Variants in CTNNA1 observed in about 807,000 individuals in gnomAD.
CTNNA1 encodes catenin alpha 1.
A neutral mutation model predicts 98.4 loss-of-function variants in CTNNA1; 37 were observed. The observed-to-expected ratio is 0.38, with a 90% CI of 0.29 to 0.49. The LOEUF is 0.49. CTNNA1 is among the 20% of genes least tolerant of loss of function. The pLI, the probability that CTNNA1 is intolerant of heterozygous loss-of-function variation, is 0.95. For missense variants in CTNNA1, 761 were observed against 1,147.2 expected, an observed-to-expected ratio of 0.66 and a Z score of 4.86; for synonymous variants, 404 against 413.2, an observed-to-expected ratio of 0.98 and a Z score of 0.27.
At chr5:138,908,506 A>T (rs1472017442) in intron 10 of CTNNA1, among the ~76,000 whole-genome samples, 1 of 152,062 alleles carries the variant, frequency 6.6e-6, no homozygotes, top group African/African-American at 2.4e-5. Context: ...CATCTCCTAA[A>T]ATAAAAGAAT....
At chr5:138,800,924 C>A (rs184519367) in intron 3 of CTNNA1, among the ~76,000 whole-genome samples, 1 of 152,286 alleles carries the variant, frequency 6.6e-6, no homozygotes, top group African/African-American at 2.4e-5. Flanking sequence ...CATGACTTTT[C>A]TTTACCTCTT....
intron 5 of CTNNA1, among the ~76,000 whole-genome samples, chr5:138,813,800 G>A (rs1006443384): frequency 3.3e-5 from 5 of 152,028 alleles, no homozygotes; most frequent in Admixed American, 1.3e-4. Flanking sequence ...TGTACTTTTT[G>A]TAGATACAGG....
chr5:138,832,677 T>C (rs1470783655), intron 7 of CTNNA1, among the ~76,000 whole-genome samples: 1 of 152,244 alleles, frequency 6.6e-6, no homozygotes, highest in Non-Finnish European at 1.5e-5. Context: ...TTTTTTCTTT[T>C]CTTCTTCTAT....
chr5:138,782,303 C>T (rs556912139), intron 2 of CTNNA1: 3 of 521,996 alleles, frequency 5.7e-6, no homozygotes, highest in Non-Finnish European at 1.1e-5. Flanking sequence ...CTTCACCTTT[C>T]TTCAGAGGGG....
intron 7 of CTNNA1, chr5:138,872,557 A>G (rs1750772944): frequency 6.5e-6 from 1 of 153,022 alleles, no homozygotes; most frequent in Admixed American, 6.5e-5. Flanking sequence ...CCAAATTATC[A>G]TACAAGAGAA....
intron 7 of CTNNA1, among the ~76,000 whole-genome samples, chr5:138,858,132 T>C (rs1255864711): frequency 6.6e-6 from 1 of 151,738 alleles, no homozygotes; most frequent in Non-Finnish European, 1.5e-5. Flanking sequence ...AAAAAAATTT[T>C]TTTTTTTTTT....
chr5:138,933,033 C>G (rs1026160827), intron 17 of CTNNA1: 59 of 758,958 alleles, frequency 7.8e-5, no homozygotes, highest in Middle Eastern at 2.5e-4. Context: ...ACTTGGGAGG[C>G]TGAGACACAA....
chr5:138,926,910 A>G (rs28363479), intron 13 of CTNNA1, among the ~76,000 whole-genome samples: 3,464 of 151,426 alleles, frequency 0.023, 133 homozygotes, highest in African/African-American at 0.081. Context: ...CCTCCCTCTC[A>G]CTTGCTCCAC....
chr5:138,824,703 C>T lies in CTNNA1; in HGVS notation c.762C>T (p.Gly254=), dbSNP rs1059026. 2.5e-6 allele frequency: 4 copies of T among 1,614,226 alleles called. No homozygotes were observed. The highest frequency in any genetic ancestry group is 3.4e-6 in the Non-Finnish European group (4 of 1,180,044). Residue 254 remains glycine, a synonymous_variant, in exon 6 of 18, where the codon GGC becomes GGT. Coordinates refer to ENST00000302763, the MANE Select transcript of CTNNA1 (RefSeq NM_001903.5). The stretch of plus-strand genomic sequence containing the variant: ...AGCAGCTGCAGCAGGCGGTCACAGG[C>T]ATTTCCAATGCAGCCCAGGCCACTG... ...IYKQLQQAVT[G]ISNAAQATAS...
intron 7 of CTNNA1, chr5:138,871,990 C>A (rs1189348045): frequency 6.7e-6 from 1 of 150,316 alleles, no homozygotes; most frequent in Admixed American, 6.7e-5. Context: ...TTTGTCAAGG[C>A]ATCTTTGATC....
chr5:138,927,285 C>T (rs1764276018), intron 13 of CTNNA1, among the ~76,000 whole-genome samples: 1 of 152,336 alleles, frequency 6.6e-6, no homozygotes, highest in African/African-American at 2.4e-5. Context: ...GCCTACGAGG[C>T]CTTCTGGGAC....
chr5:138,853,262 G>C (rs1314560818), intron 7 of CTNNA1, among the ~76,000 whole-genome samples: 2 of 151,854 alleles, frequency 1.3e-5, no homozygotes, highest in African/African-American at 4.8e-5. Flanking sequence ...CATTATTAAA[G>C]TTGCATTTCC....
rs866386664 is a variant in CTNNA1 at position 138,811,545 on chromosome 5, G to A, written c.469-638G>A. On this transcript the variant is annotated intron_variant, in intron 4 of 17. Coordinates refer to ENST00000302763, the MANE Select transcript of CTNNA1 (RefSeq NM_001903.5). ...GCCGGGCAGAGGCTGCACTCTCGGC[G>A]CTTTGGGAGGCCAAGGCAGGTGGCT... Among the ~76,000 whole-genome samples the A allele has an allele frequency of 2.1e-4, 32 of 151,504 alleles. No homozygotes were observed. The Middle Eastern group carries it at 0.01, about 49-fold the overall frequency.
chr5:138,887,702 A>T (rs945881724), intron 9 of CTNNA1, 60 bp downstream of exon 9: 39 of 1,425,770 alleles, frequency 2.7e-5, no homozygotes, highest in Non-Finnish European at 3.5e-5. Flanking sequence ...GGTGAGTTTT[A>T]ATCACATTAT....
At chr5:138,923,223 C>T (rs2150276688) in intron 11 of CTNNA1, among the ~76,000 whole-genome samples, 1 of 152,150 alleles carries the variant, frequency 6.6e-6, no homozygotes, top group East Asian at 1.9e-4. Context: ...TAGTCCTGCT[C>T]AGTACATTTG....
At chr5:138,883,530 G>T (rs1291808394) in intron 7 of CTNNA1, among the ~76,000 whole-genome samples, 1 of 152,174 alleles carries the variant, frequency 6.6e-6, no homozygotes, top group African/African-American at 2.4e-5. Context: ...CTGTGTGACT[G>T]TAATTCTTTC....
At position 138,874,446 on chromosome 5, in the gene CTNNA1, G is replaced by A. The variant is rs377023858; in HGVS notation, c.1063-11766G>A. On this transcript the variant is annotated intron_variant, in intron 7 of 17. Coordinates refer to ENST00000302763, the MANE Select transcript of CTNNA1 (RefSeq NM_001903.5). The surrounding 1 kb of genome is among the most constrained non-coding windows in gnomAD (Gnocchi z 4.1). ...CAGTAGAAGAGCAGCTTCTCGCAGC[G>A]GCATTTGGGTGGACACGCCATACCC... 5 of 1,613,598 alleles carry A rather than the reference G, an allele frequency of 3.1e-6. No homozygotes were observed. Among genetic ancestry groups the A allele is most frequent in the South Asian group, 1.1e-5 (1 of 91,030 alleles).
chr5:138,774,758 A>T (rs1478755441), intron 1 of CTNNA1, among the ~76,000 whole-genome samples: 7 of 151,742 alleles, frequency 4.6e-5, no homozygotes, highest in African/African-American at 1.5e-4. Flanking sequence ...AGTAGCTGGG[A>T]CTACAGGCGC....
chr5:138,832,332 C>T (rs557967403), intron 7 of CTNNA1, among the ~76,000 whole-genome samples: 28 of 152,316 alleles, frequency 1.8e-4, no homozygotes, highest in Middle Eastern at 6.8e-3. Context: ...ATCACAGACC[C>T]ATGACAGTGG....
Sources: allele counts gnomAD v4.1 joint callset (sites outside exome capture counted in the v4.1 genomes callset), GRCh38; gene constraint gnomAD v4.1.1; non-coding constraint Gnocchi (gnomAD v3.1); transcripts MANE v1.5; gene names NCBI Gene and HGNC (gene_info 2026-07-23, HGNC 2026-07-21).